ANK2: variants seen among roughly 807,000 people sequenced by gnomAD.
ANK2 encodes the protein ankyrin-2.
A neutral mutation model predicts 360.5 loss-of-function variants in ANK2; 83 were observed. The observed-to-expected ratio is 0.23, with a 90% CI of 0.19 to 0.28. The LOEUF is 0.28. Ranked by LOEUF, ANK2 falls within the 10% of genes least tolerant of loss-of-function variation. The pLI, the probability that ANK2 is intolerant of heterozygous loss-of-function variation, is 1.00. For synonymous variants in ANK2, 1,740 were observed against 1,759.5 expected (o/e 0.99, Z 0.28); for missense variants, 4,201 against 4,795.7 (o/e 0.88, Z 3.66).
At chr4:113,096,406 A>G (rs1562026355) in intron 1 of ANK2, among the ~76,000 whole-genome samples, 2 of 152,136 alleles carry the variant, frequency 1.3e-5, no homozygotes, top group Non-Finnish European at 2.9e-5. Flanking sequence ...AAGGCGCTCC[A>G]TGGGCTCAGG....
intron 1 of ANK2, among the ~76,000 whole-genome samples, chr4:113,142,693 T>A (rs760731453): frequency 1.4e-4 from 21 of 152,008 alleles, no homozygotes; most frequent in Admixed American, 4.6e-4. Flanking sequence ...GTTTCTTTAT[T>A]GGAGAAAGCA....
intron 1 of ANK2, among the ~76,000 whole-genome samples, chr4:113,157,202 G>A (rs2097334914): frequency 6.6e-6 from 1 of 151,976 alleles, no homozygotes; most frequent in African/African-American, 2.4e-5. Flanking sequence ...GTTTCTTAAA[G>A]GTGTAATCAA....
At chr4:113,183,369 G>A (rs1456852794) in intron 2 of ANK2, among the ~76,000 whole-genome samples, 1 of 152,122 alleles carries the variant, frequency 6.6e-6, no homozygotes, top group Non-Finnish European at 1.5e-5. Flanking sequence ...GTGAGTGGAG[G>A]TGGCATGTGT....
chr4:113,107,233 T>A (rs1464022452), intron 1 of ANK2, among the ~76,000 whole-genome samples: 1 of 152,108 alleles, frequency 6.6e-6, no homozygotes, highest in Admixed American at 6.6e-5. Flanking sequence ...TTTTTTTTTC[T>A]TGAGACGAAG....
chr4:112,957,976 C>G (rs1321249857), intron 2 of ANK2, among the ~76,000 whole-genome samples: 3 of 149,176 alleles, frequency 2.0e-5, no homozygotes, highest in Non-Finnish European at 4.4e-5. Flanking sequence ...GGCAGAGGCG[C>G]TCCCCACGTC....
At chr4:113,004,962 C>G (rs1221718680) in intron 2 of ANK2, among the ~76,000 whole-genome samples, 2 of 152,144 alleles carry the variant, frequency 1.3e-5, no homozygotes, top group Non-Finnish European at 2.9e-5. Flanking sequence ...GTAAGAGAAT[C>G]TTTTTATAAC....
chr4:113,064,296 C>G (rs1189173823), intron 1 of ANK2, among the ~76,000 whole-genome samples: 2 of 152,190 alleles, frequency 1.3e-5, no homozygotes, highest in African/African-American at 2.4e-5. Context: ...CTCATCATCT[C>G]TGTGTACACT....
At chr4:112,788,459 G>T in the ANK2 span, 2 of 1,601,384 alleles carry the variant, frequency 1.2e-6, no homozygotes, top group Non-Finnish European at 1.7e-6. Flanking sequence ...GGTGGTGACG[G>T]TGTTAACTCC....
At chr4:112,856,069 A>C (rs1257302461) in intron 1 of ANK2, among the ~76,000 whole-genome samples, 2 of 152,182 alleles carry the variant, frequency 1.3e-5, no homozygotes, top group Admixed American at 6.5e-5. Context: ...ACATAGAAAT[A>C]GATTATTAAA....
At chr4:113,174,085 T>C (rs995974359) in intron 1 of ANK2, 11 of 267,340 alleles carry the variant, frequency 4.1e-5, no homozygotes, top group Non-Finnish European at 8.2e-5. Flanking sequence ...GAAGCTAAAA[T>C]GAATGAGTAA....
intron 5 of ANK2, 127 bp downstream of exon 5, chr4:113,232,386 T>C (rs1483705560): frequency 1.3e-6 from 1 of 747,818 alleles, no homozygotes; most frequent in Non-Finnish European, 2.3e-6. Context: ...ACTATTATAA[T>C]CGCAACAGTG....
intron 2 of ANK2, among the ~76,000 whole-genome samples, chr4:112,967,883 A>G (rs536166989): frequency 6.6e-6 from 1 of 152,354 alleles, no homozygotes; most frequent in Non-Finnish European, 1.5e-5. Context: ...CTGTGAATAT[A>G]TCAAGGAAGA....
At chr4:113,347,546 A>G (rs114420188) in intron 35 of ANK2, among the ~76,000 whole-genome samples, 1,779 of 152,308 alleles carry the variant, frequency 0.012, 29 homozygotes, top group Non-Finnish European at 0.019. Context: ...TCATTATTAC[A>G]TTTTATTTCT....
intron 34 of ANK2, among the ~76,000 whole-genome samples, chr4:113,343,483 C>A (rs1480446404): frequency 1.3e-5 from 2 of 152,186 alleles, no homozygotes. Flanking sequence ...TACACGTGAA[C>A]TTCACAAGTG....
intron 4 of ANK2, among the ~76,000 whole-genome samples, chr4:113,220,329 G>A (rs2099136051): frequency 6.6e-6 from 1 of 152,130 alleles, no homozygotes; most frequent in African/African-American, 2.4e-5. Flanking sequence ...CAGCTTTATT[G>A]TAATTATGTG....
intron 2 of ANK2, among the ~76,000 whole-genome samples, chr4:113,010,911 T>TGG (rs1463572803): frequency 1.3e-5 from 2 of 148,984 alleles, no homozygotes; most frequent in African/African-American, 4.9e-5. Flanking sequence ...CAGCAGTGTC[T>TGG]GGGGCAGTGG....
chr4:113,273,825 T>G (rs1188668682), intron 14 of ANK2, among the ~76,000 whole-genome samples: 2 of 152,338 alleles, frequency 1.3e-5, no homozygotes, highest in Middle Eastern at 3.4e-3. Context: ...GGCAAATAGT[T>G]CACCCTATTT....
chr4:112,741,251 A>G, the ANK2 span, among the ~76,000 whole-genome samples: 2 of 152,270 alleles, frequency 1.3e-5, no homozygotes, highest in African/African-American at 4.8e-5. Context: ...CCAGGCAGAA[A>G]TTCTCAGGAG....
chr4:113,381,378 G>A (rs544003892), intron 45 of ANK2, 79 bp from the exon 46 acceptor site: 22 of 1,485,524 alleles, frequency 1.5e-5, no homozygotes, highest in Middle Eastern at 1.8e-4. Context: ...GGTACTCAGT[G>A]TAATGGTCAC....
Sources: gnomAD v4.1 joint callset for allele counts (sites outside exome capture counted in the v4.1 genomes callset) on GRCh38, gnomAD v4.1.1 for gene constraint, MANE v1.5 for transcripts, NCBI Gene and HGNC (gene_info 2026-07-23, HGNC 2026-07-21) for gene names.